Variants in DGKD observed in about 807,000 individuals in gnomAD.
The protein encoded by DGKD is diacylglycerol kinase delta, also known as DAG kinase delta.
DGKD carries 68 observed loss-of-function variants against 154.4 expected under a neutral mutation model. The ratio of observed to expected loss-of-function variants is 0.44; its 90% CI spans 0.36 to 0.54. The LOEUF (loss-of-function observed/expected upper bound fraction) is 0.54, where lower values mean the gene tolerates loss of function less well. DGKD is among the 20% of genes least tolerant of loss of function. The pLI is 0.00. For synonymous variants in DGKD, 693 were observed against 638.0 expected (o/e 1.09, Z -1.30); for missense variants, 1,343 against 1,593.6 (o/e 0.84, Z 2.68).
intron 1 of DGKD, among the ~76,000 whole-genome samples, chr2:233,380,953 C>T (rs941632908): frequency 6.6e-6 from 1 of 152,118 alleles, no homozygotes; most frequent in Non-Finnish European, 1.5e-5. Context: ...GGTGGCAGTG[C>T]ATTGAAAACC....
chr2:233,421,810 A>G (rs1348313901), intron 3 of DGKD, among the ~76,000 whole-genome samples: 1 of 152,194 alleles, frequency 6.6e-6, no homozygotes, highest in African/African-American at 2.4e-5. Flanking sequence ...TCTTTAATTT[A>G]CTGCCTGCAT....
intron 16 of DGKD, 44 bp from the exon 17 acceptor site, chr2:233,450,878 C>T: frequency 1.3e-6 from 2 of 1,571,180 alleles, no homozygotes; most frequent in East Asian, 2.3e-5. Flanking sequence ...ATTTCACAGT[C>T]TCTATTCCAC....
At chr2:233,403,829 AC>A (rs1223282326) in intron 3 of DGKD, among the ~76,000 whole-genome samples, 1 of 151,860 alleles carries the variant, frequency 6.6e-6, no homozygotes, top group African/African-American at 2.4e-5. Flanking sequence ...TTTAGTAGAG[AC>A]GGGGTTTCAC....
chr2:233,397,804 C>G (rs2061456582), intron 3 of DGKD, among the ~76,000 whole-genome samples: 2 of 151,364 alleles, frequency 1.3e-5, no homozygotes. Flanking sequence ...GCGGAGGTGT[C>G]TAGGGGGCAG....
At chr2:233,462,126 C>T (rs150238488) in intron 24 of DGKD, among the ~76,000 whole-genome samples, 4 of 152,206 alleles carry the variant, frequency 2.6e-5, no homozygotes, top group Non-Finnish European at 4.4e-5. Context: ...TGGATTTTGA[C>T]GTCAGATTTC....
chr2:233,377,761 C>T lies in DGKD; in HGVS notation c.157-10496C>T, dbSNP rs139452187. Among the ~76,000 whole-genome samples, 4 of 152,224 alleles carry T rather than the reference C, an allele frequency of 2.6e-5. No homozygotes were observed. The East Asian group carries it at 5.8e-4, about 22-fold the overall frequency. On this transcript the variant is annotated intron_variant, in intron 1 of 29. Transcript: ENST00000264057. ...CCCGTTTTGCAGTCGTGTTGAGTGC[C>T]TGTCTCCCCGTTGCCATAGAAGCAG...
intron 1 of DGKD, among the ~76,000 whole-genome samples, chr2:233,381,257 G>A (rs1381892122): frequency 6.6e-6 from 1 of 152,336 alleles, no homozygotes; most frequent in East Asian, 1.9e-4. Flanking sequence ...GCCAGGATGC[G>A]GTAAGATCAG....
In DGKD at chr2:233,449,922, C is replaced by G; in HGVS notation, c.1889-60C>G. ...TGAGGATGAGGGGCCCTCCACCCAG[C>G]CTGACAGCGCCCTTGGCTTTGCACC... is the stretch of plus-strand genomic sequence containing the variant. On this transcript the variant is annotated intron_variant, in intron 15 of 29. Coordinates refer to ENST00000264057, the MANE Select transcript of DGKD (RefSeq NM_152879.3). This position sits in a 1 kb window ranked among gnomAD's most constrained non-coding sequence, Gnocchi z 5.3. The G allele has an allele frequency of 6.6e-7, 1 of 1,511,838 alleles. No homozygotes were observed. Among genetic ancestry groups the G allele is most frequent in the Non-Finnish European group, 8.9e-7 (1 of 1,127,878 alleles). 93.7% of individuals were successfully genotyped at this position (1,511,838 alleles called of 1,614,324 possible).
chr2:233,357,358 T>C (rs1049316703), intron 1 of DGKD, among the ~76,000 whole-genome samples: 15 of 152,192 alleles, frequency 9.9e-5, no homozygotes, highest in African/African-American at 3.6e-4. Flanking sequence ...ATTAGTCTAG[T>C]GCAAGTCAGA....
intron 28 of DGKD, 128 bp from the exon 29 acceptor site, chr2:233,468,295 C>T: frequency 8.5e-7 from 1 of 1,174,702 alleles, no homozygotes; most frequent in Non-Finnish European, 1.2e-6. Flanking sequence ...GCTGGGCTGT[C>T]TCGGGTGCTG....
At chr2:233,377,286 G>A (rs1702630026) in intron 1 of DGKD, among the ~76,000 whole-genome samples, 1 of 152,210 alleles carries the variant, frequency 6.6e-6, no homozygotes, top group Admixed American at 6.5e-5. Context: ...GTTTCACCAT[G>A]TTGGCCAGGC....
In DGKD at chr2:233,472,006, G is replaced by C. The variant is rs1039765040; in HGVS notation, c.*2546G>C. 1.3e-5 allele frequency: 2 copies of C among 152,326 alleles called. No homozygotes were observed. Among genetic ancestry groups the C allele is most frequent in the African/African-American group, 4.8e-5 (2 of 41,444 alleles). 9.4% of individuals were successfully genotyped at this position (152,326 alleles called of 1,614,324 possible). ...TATAGTGACCACCGTGGAAACAAAC[G>C]CCTCTTGTATTGTCATGTACATAGT... On this transcript the variant is annotated 3_prime_UTR_variant, in exon 30 of 30. Coordinates refer to ENST00000264057, the MANE Select transcript of DGKD (RefSeq NM_152879.3).
chr2:233,433,024 C>T (rs932767280), intron 3 of DGKD, among the ~76,000 whole-genome samples: 11 of 152,176 alleles, frequency 7.2e-5, no homozygotes, highest in Non-Finnish European at 1.3e-4. Context: ...CCATGGAGAA[C>T]AGTTTGGAGG....
chr2:233,438,070 A>G lies in DGKD; in HGVS notation c.923-147A>G, dbSNP rs2062756912. The G allele has an allele frequency of 1.2e-6, 1 of 864,458 alleles. No homozygotes were observed. The highest frequency in any genetic ancestry group is 2.4e-5 in the Admixed American group (1 of 42,544). 53.5% of individuals were successfully genotyped at this position (864,458 alleles called of 1,614,324 possible). A position where few individuals can be genotyped will look rare whatever the true frequency, so the allele number is the denominator to read the frequency against. ...CACACATGGAGACCGGCTGTGGGGA[A>G]CTGTTCACTGACCTCCTCCTGACTT... is the stretch of plus-strand genomic sequence containing the variant. On this transcript the variant is annotated intron_variant, in intron 8 of 29. Coordinates refer to ENST00000264057, the MANE Select transcript of DGKD (RefSeq NM_152879.3). This position sits in a 1 kb window ranked among gnomAD's most constrained non-coding sequence, Gnocchi z 4.1.
chr2:233,395,396 T>C (rs1703940316), intron 3 of DGKD, among the ~76,000 whole-genome samples: 2 of 152,014 alleles, frequency 1.3e-5, no homozygotes, highest in South Asian at 4.2e-4. Flanking sequence ...TCTTGAACTT[T>C]GGGGTGCAAG....
intron 3 of DGKD, among the ~76,000 whole-genome samples, chr2:233,427,841 C>T (rs1408217066): frequency 1.3e-5 from 2 of 152,206 alleles, no homozygotes; most frequent in Non-Finnish European, 2.9e-5. Flanking sequence ...ATACTGGCTG[C>T]AGTCCAGACA....
At chr2:233,467,256 G>A in intron 28 of DGKD, 53 bp downstream of exon 28, 2 of 1,294,502 alleles carry the variant, frequency 1.5e-6, no homozygotes, top group African/African-American at 1.5e-5. Context: ...TGCTGGATCG[G>A]CCCCGTTCCC....
At chr2:233,448,039 C>G (rs2063143173) in intron 12 of DGKD, 48 bp from the exon 13 acceptor site, 1 of 1,610,162 alleles carries the variant, frequency 6.2e-7, no homozygotes, top group East Asian at 2.2e-5. Flanking sequence ...TGTCATGGAG[C>G]TTGCTGTCAC....
At chr2:233,448,629 T>C (rs1452325381) in intron 14 of DGKD, among the ~76,000 whole-genome samples, 1 of 152,244 alleles carries the variant, frequency 6.6e-6, no homozygotes, top group East Asian at 1.9e-4. Flanking sequence ...CAGAATCTTC[T>C]TGGGTCCAAA....
Sources: gnomAD v4.1 joint callset for allele counts (sites outside exome capture counted in the v4.1 genomes callset) on GRCh38, gnomAD v4.1.1 for gene constraint, Gnocchi (gnomAD v3.1) non-coding constraint, MANE v1.5 for transcripts, NCBI Gene and HGNC (gene_info 2026-07-23, HGNC 2026-07-21) for gene names.